SV2B: variants seen among roughly 807,000 people sequenced by gnomAD.
The protein encoded by SV2B is synaptic vesicle glycoprotein 2B, also known as solute carrier family 22 member B2.
A neutral mutation model predicts 73.9 loss-of-function variants in SV2B; 41 were observed. The observed-to-expected ratio is 0.56, with a 90% CI of 0.43 to 0.72. SV2B has a LOEUF of 0.72. Ranked by LOEUF, SV2B falls within the 30% of genes least tolerant of loss-of-function variation. SV2B has a pLI of 0.00. For missense variants in SV2B, 764 were observed against 857.8 expected, an observed-to-expected ratio of 0.89 and a Z score of 1.37; for synonymous variants, 314 against 314.2, an observed-to-expected ratio of 1.00 and a Z score of 0.01.
chr15:91,119,263 A>G (rs749818232), intron 1 of SV2B, among the ~76,000 whole-genome samples: 2 of 152,224 alleles, frequency 1.3e-5, no homozygotes, highest in Non-Finnish European at 2.9e-5. Context: ...GATATTAAAT[A>G]GCTCCAATGG....
rs2049464996 is a variant in SV2B at position 91,302,234 on chromosome 15, T to C, written c.*9682T>C. Reference sequence around the variant, plus strand: ...TGAATGGTGAGGAGCAAGTGAAGTGTCATATGTAAAAGAGTTAATTCTCAG... The same window carrying C: ...TGAATGGTGAGGAGCAAGTGAAGTGCCATATGTAAAAGAGTTAATTCTCAG... On this transcript the variant is annotated 3_prime_UTR_variant, in exon 13 of 13. Transcript: ENST00000394232. 6.6e-6 allele frequency among the ~76,000 whole-genome samples: 1 copy of C among 152,094 alleles called. No homozygotes were observed. The highest frequency in any genetic ancestry group is 2.4e-5 in the African/African-American group (1 of 41,408).
chr15:91,150,880 G>A (rs1240822394), intron 1 of SV2B, among the ~76,000 whole-genome samples: 3 of 152,186 alleles, frequency 2.0e-5, no homozygotes, highest in African/African-American at 7.2e-5. Flanking sequence ...ATGGCTCCAT[G>A]GGGAAGGAGT....
rs2045189657 is a variant in SV2B at position 91,194,935 on chromosome 15, T to G, written c.-391-30938T>G. Among the ~76,000 whole-genome samples, 4 of 152,200 alleles carry G rather than the reference T, an allele frequency of 2.6e-5. No homozygotes were observed. The South Asian group carries it at 8.3e-4, about 32-fold the overall frequency. ...AATCAGCACATAGTTTGTCACGTCC[T>G]CATTTCCTCGGCCATGATGACTGGC... On this transcript the variant is annotated intron_variant, in intron 1 of 12. Transcript: ENST00000394232.
At chr15:91,271,686 C>T (rs578149161) in intron 9 of SV2B, among the ~76,000 whole-genome samples, 1 of 152,280 alleles carries the variant, frequency 6.6e-6, no homozygotes, top group African/African-American at 2.4e-5. Context: ...TTCTCCTTGA[C>T]TGGTTAGGAA....
chr15:91,292,390 C>T lies in SV2B; in HGVS notation c.1890C>T (p.Leu630=). ...ACAGAGCAACAGCCTTCGGCATTCT[C>T]AATGGATTATGCAAATTTGGCGCCA... ...TNQRATAFGI[L]NGLCKFGAIL... is the part of the protein sequence containing the mutation. Residue 630 remains leucine, a synonymous_variant, in exon 13 of 13, where the codon CTC becomes CTT. Transcript: ENST00000394232. 6.2e-7 allele frequency: 1 copy of T among 1,614,124 alleles called. No homozygotes were observed. The highest frequency in any genetic ancestry group is 2.2e-5 in the East Asian group (1 of 44,878).
At chr15:91,201,382 A>G (rs1346977516) in intron 1 of SV2B, among the ~76,000 whole-genome samples, 1 of 152,258 alleles carries the variant, frequency 6.6e-6, no homozygotes, top group Non-Finnish European at 1.5e-5. Flanking sequence ...AGGTCAGTAC[A>G]GATGTTCTCC....
Position 91,292,497 on chromosome 15 carries a change from G to A in SV2B, c.1997G>A (p.Gly666Glu). 6.2e-7 allele frequency: 1 copy of A among 1,614,150 alleles called. No individual in the cohort carries two copies. Among genetic ancestry groups the A allele is most frequent in the Non-Finnish European group, 8.5e-7 (1 of 1,180,020 alleles). Residue 666 changes from glycine to glutamate, a missense_variant, in exon 13 of 13, where the codon GGG becomes GAG. By Grantham distance (98) the Gly-to-Glu change is moderately conservative. Transcript: ENST00000394232. The stretch of plus-strand genomic sequence containing the variant: ...CTTCTGGCTGCTGCTTCTCTGGTTG[G>A]GGGTGGCCTGATTGCCCTTCGACTG... ...PILLAAASLV[G>E]GGLIALRLPE...
intron 1 of SV2B, among the ~76,000 whole-genome samples, chr15:91,217,626 A>T (rs370862036): frequency 6.6e-6 from 1 of 152,256 alleles, no homozygotes; most frequent in Admixed American, 6.5e-5. Flanking sequence ...CAGCTTGTAA[A>T]TGTTGCTCTT....
At position 91,232,930 on chromosome 15, in the gene SV2B, G is replaced by A. The variant is rs186570656; in HGVS notation, c.451+6216G>A. 2.6e-5 allele frequency among the ~76,000 whole-genome samples: 4 copies of A among 152,216 alleles called. No homozygotes were observed. Among genetic ancestry groups the A allele is most frequent in the East Asian group, 1.9e-4 (1 of 5,172 alleles). ...ATGTCACGAATACCCAATATTTAGC[G>A]CTCGCTTATAAGTGAGAACATGCAG... On this transcript the variant is annotated intron_variant, in intron 2 of 12. Transcript: ENST00000394232. The surrounding 1 kb of genome is among the most constrained non-coding windows in gnomAD (Gnocchi z 4.7).
rs2049409945 is a variant in SV2B, at chr15:91,300,586, A to G, written c.*8034A>G. Reference sequence around the variant, plus strand: ...CTCTCCAGTGGGAGGTGGCCTAGACAGGTGCCGGTTTTGGGGAGAGGTGAG... The same window carrying G: ...CTCTCCAGTGGGAGGTGGCCTAGACGGGTGCCGGTTTTGGGGAGAGGTGAG... On this transcript the variant is annotated 3_prime_UTR_variant, in exon 13 of 13. Transcript: ENST00000394232. 1 of 152,238 alleles carries G rather than the reference A, an allele frequency of 6.6e-6. No individual in the cohort carries two copies. Among genetic ancestry groups the G allele is most frequent in the Non-Finnish European group, 1.5e-5 (1 of 68,042 alleles). 9.4% of individuals were successfully genotyped at this position (152,238 alleles called of 1,614,324 possible).
chr15:91,181,199 A>C (rs879500365), intron 1 of SV2B, among the ~76,000 whole-genome samples: 1 of 152,202 alleles, frequency 6.6e-6, no homozygotes, highest in African/African-American at 2.4e-5. Context: ...CAGTGTCTGC[A>C]TAACAGCGGA....
In SV2B at chr15:91,289,760, G is replaced by T; in HGVS notation, c.1868+80G>T. 1 of 1,435,292 alleles carries T rather than the reference G, an allele frequency of 7.0e-7. No homozygotes were observed. Among genetic ancestry groups the T allele is most frequent in the Admixed American group, 2.4e-5 (1 of 42,070 alleles). 88.9% of individuals were successfully genotyped at this position (1,435,292 alleles called of 1,614,324 possible). On this transcript the variant is annotated intron_variant, in intron 12 of 12. Transcript: ENST00000394232. This position sits in a 1 kb window ranked among gnomAD's most constrained non-coding sequence, Gnocchi z 4.9. ...AGTCTACCTGCTCCCTAAATCTCAT[G>T]CTGTGCATGGCCATCGTGGTCTTTC...
rs2048758299 is a variant in SV2B at position 91,283,716 on chromosome 15, A to G, written c.1508-305A>G. On this transcript the variant is annotated intron_variant, in intron 10 of 12. Coordinates refer to ENST00000394232, the MANE Select transcript of SV2B (RefSeq NM_001323032.3). The surrounding 1 kb of genome is among the most constrained non-coding windows in gnomAD (Gnocchi z 4.3). ...TGATCCTCCTACCTCGGCCTCCTCAAGTGCTGGGATTACAGATGTGGGCCA... is the reference window on the plus strand; with the variant it reads ...TGATCCTCCTACCTCGGCCTCCTCAGGTGCTGGGATTACAGATGTGGGCCA... 6.6e-6 allele frequency among the ~76,000 whole-genome samples: 1 copy of G among 152,110 alleles called. No individual in the cohort carries two copies. The highest frequency in any genetic ancestry group is 2.1e-4 in the South Asian group (1 of 4,822).
intron 1 of SV2B, among the ~76,000 whole-genome samples, chr15:91,151,979 T>A (rs1197547197): frequency 6.6e-6 from 1 of 152,208 alleles, no homozygotes; most frequent in Non-Finnish European, 1.5e-5. Flanking sequence ...TTTCCTGGTA[T>A]ACTTTGCAAG....
At chr15:91,149,584 T>C (rs1352037217) in intron 1 of SV2B, among the ~76,000 whole-genome samples, 1 of 152,216 alleles carries the variant, frequency 6.6e-6, no homozygotes, top group African/African-American at 2.4e-5. Flanking sequence ...CCTGAATCAC[T>C]GGGAGCCACG....
rs970739014 is a variant in SV2B at position 91,252,761 on chromosome 15, T to C, written c.784+241T>C. 1.7e-4 allele frequency among the ~76,000 whole-genome samples: 26 copies of C among 152,274 alleles called. No homozygotes were observed. The highest frequency in any genetic ancestry group is 6.3e-4 in the African/African-American group (26 of 41,552). ...TTCCTTCCCTTCCTTCATTCTTCCC[T>C]TTCTCCTTCCCTCTCTCCCTTTCTT... On this transcript the variant is annotated intron_variant, in intron 4 of 12. Transcript: ENST00000394232. The surrounding 1 kb of genome is among the most constrained non-coding windows in gnomAD (Gnocchi z 4.6).
At chr15:91,282,399 A>G (rs1293934506) in intron 10 of SV2B, among the ~76,000 whole-genome samples, 1 of 152,200 alleles carries the variant, frequency 6.6e-6, no homozygotes, top group Admixed American at 6.5e-5. Flanking sequence ...AAGTCCCAAA[A>G]TTCTACCACT....
intron 1 of SV2B, among the ~76,000 whole-genome samples, chr15:91,183,303 G>C (rs1014011957): frequency 6.6e-6 from 1 of 152,214 alleles, no homozygotes; most frequent in African/African-American, 2.4e-5. Context: ...GGATTACCCA[G>C]ATACTTCCCT....
intron 1 of SV2B, among the ~76,000 whole-genome samples, chr15:91,175,624 G>A (rs962705848): frequency 8.6e-5 from 13 of 151,916 alleles, no homozygotes; most frequent in African/African-American, 3.1e-4. Context: ...AACGTGTTAA[G>A]TATTTTAAAA....
Sources: gnomAD v4.1 joint callset for allele counts (sites outside exome capture counted in the v4.1 genomes callset) on GRCh38, gnomAD v4.1.1 for gene constraint, Gnocchi (gnomAD v3.1) non-coding constraint, MANE v1.5 for transcripts, NCBI Gene and HGNC (gene_info 2026-07-23, HGNC 2026-07-21) for gene names.